Variants in NFASC observed in about 807,000 individuals in gnomAD.
The protein encoded by NFASC is neurofascin homolog.
A neutral mutation model predicts 147.5 loss-of-function variants in NFASC; 43 were observed. The ratio of observed to expected loss-of-function variants is 0.29; its 90% CI spans 0.23 to 0.38. NFASC has a LOEUF of 0.38. Ranked by LOEUF, NFASC falls within the 10% of genes least tolerant of loss-of-function variation. The pLI is 1.00. For missense variants in NFASC, 1,320 were observed against 1,689.0 expected (o/e 0.78, Z 3.83); for synonymous variants, 622 against 665.5 (o/e 0.93, Z 1.01).
Position 205,016,932 on chromosome 1 carries a change from C to A in NFASC, c.*393C>A, listed in dbSNP as rs139069895. 13 of 318,832 alleles carry A rather than the reference C, an allele frequency of 4.1e-5. No homozygotes were observed. Among genetic ancestry groups the A allele is most frequent in the Non-Finnish European group, 7.5e-5 (12 of 160,954 alleles). The allele number at this position is 318,832 out of a possible 1,614,324, so 19.8% of individuals were successfully genotyped here. On this transcript the variant is annotated 3_prime_UTR_variant, in exon 30 of 30. Transcript: ENST00000339876. The surrounding 1 kb of genome is among the most constrained non-coding windows in gnomAD (Gnocchi z 5.1). ...CGCTTTGTGCATCTTCCCCTCCAGACCCAATGTCTCTGTTTTCTTTTCCTT... is the reference window on the plus strand; with the variant it reads ...CGCTTTGTGCATCTTCCCCTCCAGAACCAATGTCTCTGTTTTCTTTTCCTT...
rs183781257 is a variant in NFASC, at chr1:204,866,852, G to A, written c.-200+38070G>A. On this transcript the variant is annotated intron_variant, in intron 1 of 29. Coordinates refer to ENST00000339876, the MANE Select transcript of NFASC (RefSeq NM_001005388.3). ...ATAATGTCCTTTGGAAGCCAGGGCA[G>A]GAGAGTTCATGTCCCACCTTGAGAG... is the stretch of plus-strand genomic sequence containing the variant. Among the ~76,000 whole-genome samples, 7 of 152,302 alleles carry A rather than the reference G, an allele frequency of 4.6e-5. No homozygotes were observed. The East Asian group carries it at 1.4e-3, about 29-fold the overall frequency.
At chr1:204,887,717 C>T (rs2081590126) in intron 1 of NFASC, among the ~76,000 whole-genome samples, 1 of 151,210 alleles carries the variant, frequency 6.6e-6, no homozygotes, top group African/African-American at 2.4e-5. Context: ...CCACCTCAGC[C>T]TCCCAAGTAG....
intron 24 of NFASC, among the ~76,000 whole-genome samples, chr1:204,996,317 G>A (rs1385238402): frequency 6.6e-6 from 1 of 152,172 alleles, no homozygotes; most frequent in Non-Finnish European, 1.5e-5. Context: ...GGACTCCTCT[G>A]TCTGCTGTGG....
intron 1 of NFASC, among the ~76,000 whole-genome samples, chr1:204,829,170 A>G (rs1242693102): frequency 7.0e-6 from 1 of 143,516 alleles, no homozygotes; most frequent in South Asian, 2.3e-4. Flanking sequence ...TGCCTCCTGT[A>G]TTTCCTACCG....
chr1:204,834,256 G>A (rs1433222702), intron 1 of NFASC, among the ~76,000 whole-genome samples: 1 of 151,974 alleles, frequency 6.6e-6, no homozygotes, highest in Non-Finnish European at 1.5e-5. Flanking sequence ...TCAACTTCTG[G>A]CCCCATTGTT....
At chr1:204,862,663 C>T (rs568743697) in intron 1 of NFASC, among the ~76,000 whole-genome samples, 7 of 152,144 alleles carry the variant, frequency 4.6e-5, no homozygotes, top group Non-Finnish European at 1.0e-4. Context: ...AGTGGGGAGA[C>T]CAAAGGCTTG....
intron 8 of NFASC, among the ~76,000 whole-genome samples, chr1:204,961,230 G>T (rs746925003): frequency 1.3e-5 from 2 of 152,178 alleles, no homozygotes; most frequent in Non-Finnish European, 2.9e-5. Flanking sequence ...AAATGCCCAC[G>T]AGTTTGAATT....
chr1:204,937,657 C>T (rs1157530740), intron 2 of NFASC, among the ~76,000 whole-genome samples: 3 of 152,316 alleles, frequency 2.0e-5, no homozygotes, highest in East Asian at 1.9e-4. Context: ...GAGTAATATT[C>T]CATTGGATGT....
At chr1:205,012,042 G>A (rs532117042) in intron 28 of NFASC, among the ~76,000 whole-genome samples, 1 of 152,274 alleles carries the variant, frequency 6.6e-6, no homozygotes, top group South Asian at 2.1e-4. Context: ...TAGCACCACT[G>A]CAAAAAAACA....
In NFASC at chr1:204,839,368, A is replaced by AACACACAC. The variant is rs55784616; in HGVS notation, c.-200+10629_-200+10636dup. Among the ~76,000 whole-genome samples, 199 of 135,190 alleles carry AACACACAC rather than the reference A, an allele frequency of 1.5e-3. 2 individuals are homozygous for AACACACAC. Among genetic ancestry groups the AACACACAC allele is most frequent in the African/African-American group, 5.0e-3 (184 of 36,566 alleles). The allele number at this position is 135,190 out of a possible 152,430, so 88.7% of individuals were successfully genotyped here. A position where few individuals can be genotyped will look rare whatever the true frequency, so the allele number is the denominator to read the frequency against. On this transcript the variant is annotated intron_variant, in intron 1 of 29. Coordinates refer to ENST00000339876, the MANE Select transcript of NFASC (RefSeq NM_001005388.3). The stretch of plus-strand genomic sequence containing the variant: ...GGAGAGGAAAGGCAGGCACGTATGA[A>AACACACAC]ACACACACACACACACACACACACA...
intron 5 of NFASC, among the ~76,000 whole-genome samples, chr1:204,952,782 C>T (rs1027819261): frequency 2.0e-5 from 3 of 152,220 alleles, no homozygotes; most frequent in Non-Finnish European, 4.4e-5. Flanking sequence ...AAAGTAGCAT[C>T]TACAGACTGA....
In NFASC at chr1:205,015,490, A is replaced by G. The variant is rs74138695; in HGVS notation, c.3492-818A>G. Among the ~76,000 whole-genome samples the G allele has an allele frequency of 0.015, 2,300 of 152,288 alleles. 63 individuals carry two copies. The highest frequency in any genetic ancestry group is 0.053 in the African/African-American group (2,190 of 41,574). ...GCGCCTCCTCAGGAGCACAGCAGAC[A>G]TCCCAACTGGGTGGCTGTTCCCAGC... On this transcript the variant is annotated intron_variant, in intron 29 of 29. Transcript: ENST00000339876. The surrounding 1 kb of genome is among the most constrained non-coding windows in gnomAD (Gnocchi z 4.0).
rs114215976 is a variant in NFASC, at chr1:204,922,429, C to G, written c.-91+1689C>G. Among the ~76,000 whole-genome samples, 1,003 of 152,294 alleles carry G rather than the reference C, an allele frequency of 6.6e-3. 16 individuals carry two copies. The highest frequency in any genetic ancestry group is 0.023 in the African/African-American group (965 of 41,560). ...GTACTTCTGGACACCACCAGTCTAA[C>G]CAGCAAAATCGAATATCGGTTCTGA... On this transcript the variant is annotated intron_variant, in intron 2 of 29. Coordinates refer to ENST00000339876, the MANE Select transcript of NFASC (RefSeq NM_001005388.3).
At position 205,016,662 on chromosome 1, in the gene NFASC, G is replaced by C; in HGVS notation, c.*123G>C. 6.6e-6 allele frequency: 5 copies of C among 754,300 alleles called. No individual in the cohort carries two copies. The Middle Eastern group carries it at 1.2e-3, about 175-fold the overall frequency. The allele number at this position is 754,300 out of a possible 1,614,324, so 46.7% of individuals were successfully genotyped here. A position where few individuals can be genotyped will look rare whatever the true frequency, so the allele number is the denominator to read the frequency against. On this transcript the variant is annotated 3_prime_UTR_variant, in exon 30 of 30. Coordinates refer to ENST00000339876, the MANE Select transcript of NFASC (RefSeq NM_001005388.3). This position sits in a 1 kb window ranked among gnomAD's most constrained non-coding sequence, Gnocchi z 5.1. Reference sequence around the variant, plus strand: ...TCAGTAACAAGGGTACGATATGGGGGTCTGCCAAGCTGTGAGGACCAGTAG... The same window carrying C: ...TCAGTAACAAGGGTACGATATGGGGCTCTGCCAAGCTGTGAGGACCAGTAG...
chr1:204,952,586 C>T (rs1035648722), intron 5 of NFASC, among the ~76,000 whole-genome samples: 7 of 152,072 alleles, frequency 4.6e-5, no homozygotes, highest in East Asian at 3.9e-4. Flanking sequence ...ACGTTTTGTT[C>T]GACCACCTAA....
chr1:204,942,421 G>T (rs535578400), intron 2 of NFASC, among the ~76,000 whole-genome samples: 4 of 152,240 alleles, frequency 2.6e-5, no homozygotes, highest in Non-Finnish European at 5.9e-5. Flanking sequence ...CTAGCAGAGG[G>T]GATGCATTAT....
intron 1 of NFASC, among the ~76,000 whole-genome samples, chr1:204,863,214 C>T (rs1321715908): frequency 6.6e-6 from 1 of 152,182 alleles, no homozygotes; most frequent in East Asian, 1.9e-4. Flanking sequence ...AATAGATCCC[C>T]AGCTCCATGC....
chr1:204,945,868 G>T (rs1242184874), intron 3 of NFASC, among the ~76,000 whole-genome samples: 1 of 152,158 alleles, frequency 6.6e-6, no homozygotes, highest in Non-Finnish European at 1.5e-5. Flanking sequence ...GGGTTATCAG[G>T]GAAGTGGTGA....
intron 1 of NFASC, among the ~76,000 whole-genome samples, chr1:204,834,168 C>G (rs969624972): frequency 2.6e-5 from 4 of 152,026 alleles, no homozygotes; most frequent in Non-Finnish European, 5.9e-5. Flanking sequence ...CTCCCCCACC[C>G]TCCCCCCACC....
Sources: allele counts gnomAD v4.1 joint callset (sites outside exome capture counted in the v4.1 genomes callset), GRCh38; gene constraint gnomAD v4.1.1; non-coding constraint Gnocchi (gnomAD v3.1); transcripts MANE v1.5; gene names NCBI Gene and HGNC (gene_info 2026-07-23, HGNC 2026-07-21).